Variants in SPECC1 observed in about 807,000 individuals in gnomAD.
The protein encoded by SPECC1 is cytospin-B.
SPECC1 carries 62 observed loss-of-function variants against 104.1 expected under a neutral mutation model. The observed-to-expected ratio is 0.60, with a 90% confidence interval of 0.49 to 0.74. The LOEUF (loss-of-function observed/expected upper bound fraction) is 0.74. Ranked by LOEUF, SPECC1 falls within the 30% of genes least tolerant of loss-of-function variation. The pLI, the probability that SPECC1 is intolerant of heterozygous loss-of-function variation, is 0.00. For missense variants in SPECC1, 1,306 were observed against 1,310.5 expected (o/e 1.00, Z 0.05); for synonymous variants, 513 against 501.6 (o/e 1.02, Z -0.30).
At chr17:20,018,733 A>G (rs1339788839) in intron 1 of SPECC1, among the ~76,000 whole-genome samples, 1 of 152,216 alleles carries the variant, frequency 6.6e-6, no homozygotes, top group African/African-American at 2.4e-5. Flanking sequence ...AAAGGAAGCC[A>G]GGCACAAGCT....
At chr17:20,146,375 T>G (rs1477221240) in intron 3 of SPECC1, among the ~76,000 whole-genome samples, 2 of 152,232 alleles carry the variant, frequency 1.3e-5, no homozygotes, top group Non-Finnish European at 2.9e-5. Context: ...TCCATGTCTT[T>G]TTGTGTCTTG....
intron 4 of SPECC1, among the ~76,000 whole-genome samples, chr17:20,212,786 CGAAT>C (rs1210203622): frequency 2.6e-5 from 4 of 152,082 alleles, no homozygotes; most frequent in Non-Finnish European, 5.9e-5. Context: ...ACTTTTCAGA[CGAAT>C]GAATGAATGT....
chr17:20,172,324 C>G (rs1376354871), intron 3 of SPECC1, among the ~76,000 whole-genome samples: 7 of 152,222 alleles, frequency 4.6e-5, no homozygotes, highest in Non-Finnish European at 8.8e-5. Context: ...AGGATACTTC[C>G]AGTTAACACC....
chr17:20,308,389 C>CAAAA (rs3072413), intron 14 of SPECC1, among the ~76,000 whole-genome samples: 38,753 of 66,302 alleles, frequency 0.58, 10,950 homozygotes, highest in East Asian at 0.78. Flanking sequence ...AACTCCATCT[C>CAAAA]AAAAAAAAAA....
At chr17:20,081,615 G>A (rs561688874) in intron 1 of SPECC1, among the ~76,000 whole-genome samples, 9 of 152,206 alleles carry the variant, frequency 5.9e-5, no homozygotes, top group Non-Finnish European at 1.2e-4. Context: ...CCAGGTGGAG[G>A]GAGAGGGCTG....
chr17:20,048,751 G>A (rs1391466609), intron 1 of SPECC1, among the ~76,000 whole-genome samples: 1 of 151,876 alleles, frequency 6.6e-6, no homozygotes, highest in East Asian at 1.9e-4. Context: ...ACAAAAATTA[G>A]CATGATGGCA....
rs757877066 is a variant in SPECC1 at position 20,227,457 on chromosome 17, A to G, written c.1908A>G (p.Gln636=). ...YSYLKEICDH[Q]AEQLSRTSLK... is the part of the protein sequence containing the mutation. ...ACCTGAAGGAGATATGTGATCACCA[A>G]GCCGAACAGCTGAGCAGAACCAGCC... is the stretch of plus-strand genomic sequence containing the variant. The change falls in exon 5 of 15, where the codon CAA becomes CAG. Residue 636 remains glutamine (Q), a synonymous_variant. Transcript: ENST00000395527. The G allele has an allele frequency of 3.1e-6, 5 of 1,613,726 alleles. No individual in the cohort carries two copies. Among genetic ancestry groups the G allele is most frequent in the Admixed American group, 3.3e-5 (2 of 59,868 alleles).
intron 4 of SPECC1, among the ~76,000 whole-genome samples, chr17:20,208,269 C>T (rs372589833): frequency 1.3e-4 from 20 of 152,296 alleles, no homozygotes; most frequent in African/African-American, 4.6e-4. Context: ...TGGGGGCATG[C>T]TATCACATAG....
intron 12 of SPECC1, among the ~76,000 whole-genome samples, chr17:20,286,952 G>A (rs1293400022): frequency 6.6e-6 from 1 of 152,208 alleles, no homozygotes; most frequent in African/African-American, 2.4e-5. Context: ...TGGAAACTGT[G>A]CTAGCCCCAA....
intron 1 of SPECC1, among the ~76,000 whole-genome samples, chr17:20,094,343 C>T (rs1306098627): frequency 6.6e-6 from 1 of 152,190 alleles, no homozygotes; most frequent in African/African-American, 2.4e-5. Flanking sequence ...GCGTGTTCGT[C>T]AGGGGCACCA....
intron 3 of SPECC1, among the ~76,000 whole-genome samples, chr17:20,116,040 G>T (rs1022929830): frequency 4.0e-5 from 6 of 151,878 alleles, no homozygotes; most frequent in Non-Finnish European, 7.4e-5. Flanking sequence ...TTCTGTATGT[G>T]GCTAGTTGTA....
At chr17:20,019,741 T>C (rs2044297516) in intron 1 of SPECC1, among the ~76,000 whole-genome samples, 1 of 152,130 alleles carries the variant, frequency 6.6e-6, no homozygotes, top group Non-Finnish European at 1.5e-5. Flanking sequence ...ATCATCCAGC[T>C]CAGAGATCTG....
At chr17:20,210,932 A>G (rs921825896) in intron 4 of SPECC1, among the ~76,000 whole-genome samples, 4 of 152,184 alleles carry the variant, frequency 2.6e-5, no homozygotes, top group Admixed American at 6.5e-5. Context: ...ACCCCACCCC[A>G]TTGACCATTA....
chr17:20,230,569 T>C (rs2038509980), intron 5 of SPECC1, among the ~76,000 whole-genome samples: 2 of 152,180 alleles, frequency 1.3e-5, no homozygotes, highest in South Asian at 4.1e-4. Context: ...TGTCCCTAAA[T>C]CCTTAAAAGT....
intron 1 of SPECC1, among the ~76,000 whole-genome samples, chr17:20,080,882 G>C (rs1053095828): frequency 1.3e-5 from 2 of 152,118 alleles, no homozygotes; most frequent in East Asian, 1.9e-4. Flanking sequence ...TCAGTGCAGG[G>C]GGGGGTGGTC....
intron 4 of SPECC1, among the ~76,000 whole-genome samples, chr17:20,215,115 G>C (rs2151400747): frequency 6.6e-6 from 1 of 152,364 alleles, no homozygotes; most frequent in Admixed American, 6.5e-5. Context: ...CAGGCCAAGA[G>C]TCCTCCAAGG....
rs551807051 is a variant in SPECC1, at chr17:20,036,094, A to C, written c.-22+26670A>C. Among the ~76,000 whole-genome samples the C allele has an allele frequency of 1.1e-4, 17 of 152,122 alleles. No individual in the cohort carries two copies. The East Asian group carries it at 3.3e-3, about 30-fold the overall frequency. ...CCAAAGTGGTGGGATTACAGGCATG[A>C]GCCACTGCGCTTGGCTGCTTTGCAT... On this transcript the variant is annotated intron_variant, in intron 1 of 14. Transcript: ENST00000395527.
chr17:20,240,060 AT>A (rs748689632), intron 7 of SPECC1, among the ~76,000 whole-genome samples: 147 of 32,172 alleles, frequency 4.6e-3, no homozygotes, highest in Middle Eastern at 0.062. Context: ...TGTCCAGCTA[AT>A]TTTTTTTTTT....
intron 7 of SPECC1, chr17:20,238,570 T>G: frequency 9.6e-7 from 1 of 1,043,310 alleles, no homozygotes. Flanking sequence ...GGTGTCAAAC[T>G]GGACAGCACA....
Sources: gnomAD v4.1 joint callset for allele counts (sites outside exome capture counted in the v4.1 genomes callset) on GRCh38, gnomAD v4.1.1 for gene constraint, MANE v1.5 for transcripts, NCBI Gene and HGNC (gene_info 2026-07-23, HGNC 2026-07-21) for gene names.